The following PCIF1 variants were observed in gnomAD, a reference collection of about 807,000 sequenced individuals.
The protein encoded by PCIF1 is mRNA (2'-O-methyladenosine-N(6)-)-methyltransferase.
In PCIF1, 12 loss-of-function variants were observed where a neutral mutation model predicts 86.9. The observed-to-expected ratio is 0.14, with a 90% confidence interval of 0.09 to 0.22. The LOEUF (loss-of-function observed/expected upper bound fraction) is 0.22. Among genes scored for constraint, PCIF1 ranks in the 10% least tolerant of loss-of-function variants. PCIF1 has a pLI of 1.00. For synonymous variants in PCIF1, 397 were observed against 372.0 expected, an observed-to-expected ratio of 1.07 and a Z score of -0.77; for missense variants, 701 against 951.1, an observed-to-expected ratio of 0.74 and a Z score of 3.46.
chr20:45,935,951 C>T (rs891685518), intron 1 of PCIF1, among the ~76,000 whole-genome samples: 1 of 152,124 alleles, frequency 6.6e-6, no homozygotes, highest in Non-Finnish European at 1.5e-5. Flanking sequence ...GTTCATCTAC[C>T]CGGTGCATCA....
At chr20:45,938,559 T>C (rs1568790896) in intron 2 of PCIF1, among the ~76,000 whole-genome samples, 1 of 152,186 alleles carries the variant, frequency 6.6e-6, no homozygotes, top group South Asian at 2.1e-4. Context: ...GAGAGCTGAA[T>C]TGGACGCAGT....
Position 45,946,333 on chromosome 20 carries a change from G to C in PCIF1, c.1562G>C (p.Arg521Pro). The C allele has an allele frequency of 6.2e-7, 1 of 1,613,984 alleles. No individual in the cohort carries two copies. Among genetic ancestry groups the C allele is most frequent in the Non-Finnish European group, 8.5e-7 (1 of 1,180,032 alleles). The change falls in exon 14 of 17, where the codon CGC (arginine) becomes CCC (proline). Residue 521 changes from arginine (R) to proline (P), a missense_variant. Around this residue, in one of 7 missense-constraint regions of PCIF1, gnomAD observed 61 missense variants for 118.5 expected, o/e 0.51. Transcript: ENST00000372409. ...GCCTCACCCCTCAACTGCTACTTCCGCCAGTACTGTTCTGCCTTCCCCGAC... is the reference window on the plus strand; with the variant it reads ...GCCTCACCCCTCAACTGCTACTTCCCCCAGTACTGTTCTGCCTTCCCCGAC... ...CFASPLNCYFRQYCSAFPDTD... is the reference protein window; with the variant it reads ...CFASPLNCYFPQYCSAFPDTD...
At chr20:45,946,817 C>T (rs1317188162) in intron 14 of PCIF1, among the ~76,000 whole-genome samples, 1 of 152,218 alleles carries the variant, frequency 6.6e-6, no homozygotes, top group African/African-American at 2.4e-5. Context: ...GTAGCTTCTG[C>T]TGTGGTGGTG....
rs915393328 is a variant in PCIF1, at chr20:45,937,448, G to A, written c.-157G>A. 10 of 399,158 alleles carry A rather than the reference G, an allele frequency of 2.5e-5. No individual in the cohort carries two copies. Among genetic ancestry groups the A allele is most frequent in the African/African-American group, 1.6e-4 (8 of 48,610 alleles). The allele number at this position is 399,158 out of a possible 1,614,324, so 24.7% of individuals were successfully genotyped here. Reference sequence around the variant, plus strand: ...GATGCAAGGAATCCCCTGGGCTCCCGTCCACTCCACTGCTGACCAGCCCAT... The same window carrying A: ...GATGCAAGGAATCCCCTGGGCTCCCATCCACTCCACTGCTGACCAGCCCAT... On this transcript the variant is annotated 5_prime_UTR_variant, in exon 2 of 17. Transcript: ENST00000372409.
Position 45,943,927 on chromosome 20 carries a change from T to C in PCIF1, c.1005+162T>C, listed in dbSNP as rs1441789761. Among the ~76,000 whole-genome samples the C allele has an allele frequency of 6.6e-6, 1 of 152,194 alleles. No homozygotes were observed. The highest frequency in any genetic ancestry group is 2.4e-5 in the African/African-American group (1 of 41,444). On this transcript the variant is annotated intron_variant, in intron 10 of 16. Transcript: ENST00000372409. The surrounding 1 kb of genome is among the most constrained non-coding windows in gnomAD (Gnocchi z 5.5). ...ATTCGTCAGTCCCCAAACTCATGAC[T>C]GTGGAGATGTTTCTCTGGGCTCCTG... is the stretch of plus-strand genomic sequence containing the variant.
Position 45,947,339 on chromosome 20 carries a change from C to T in PCIF1, c.1784C>T (p.Ala595Val), listed in dbSNP as rs374415027. Residue 595 changes from alanine (A) to valine (V), a missense_variant, in exon 16 of 17, where the codon GCG becomes GTG. Coordinates refer to ENST00000372409, the MANE Select transcript of PCIF1 (RefSeq NM_022104.4). The surrounding 1 kb of genome is among the most constrained non-coding windows in gnomAD (Gnocchi z 5.4). ...IPEWREPPTP[A>V]LTRMEQSRFK... ...GAGTGGCGGGAACCCCCAACACCAG[C>T]GCTCACCCGCATGGAGCAGAGCCGC... is the stretch of plus-strand genomic sequence containing the variant. 2.5e-5 allele frequency: 40 copies of T among 1,613,826 alleles called. No homozygotes were observed. Among genetic ancestry groups the T allele is most frequent in the Non-Finnish European group, 3.1e-5 (36 of 1,180,026 alleles).
At chr20:45,944,105 G>A (rs927295653) in intron 10 of PCIF1, among the ~76,000 whole-genome samples, 1 of 152,004 alleles carries the variant, frequency 6.6e-6, no homozygotes, top group African/African-American at 2.4e-5. Context: ...TTTTGGGTGT[G>A]TGTGTTCATA....
In PCIF1 at chr20:45,946,278, C is replaced by T; in HGVS notation, c.1507C>T (p.Arg503Ter). The change falls in exon 14 of 17, where the codon CGA (arginine) becomes TGA (stop). Residue 503 changes from arginine (R) to a stop codon, truncating the protein, a stop_gained. Transcript: ENST00000372409. LOFTEE classifies it high-confidence loss of function. ...LPVHVFEALH[R>*]LFGVSFECFA... ...TGTGCATGTCTTTGAGGCCCTCCAC[C>T]GACTCTTTGGCGTCAGCTTCGAGTG... 6.2e-7 allele frequency: 1 copy of T among 1,614,154 alleles called. No homozygotes were observed. Among genetic ancestry groups the T allele is most frequent in the South Asian group, 1.1e-5 (1 of 91,088 alleles).
Position 45,945,894 on chromosome 20 carries a change from C to G in PCIF1, c.1341+11C>G. ...TACTTCAGCAAGCTGGTAAGAGCTG[C>G]GGGGAGGAAGGCCCTAGCTGATGGC... On this transcript the variant is annotated intron_variant, in intron 12 of 16. Transcript: ENST00000372409. 1 of 1,613,330 alleles carries G rather than the reference C, an allele frequency of 6.2e-7. No homozygotes were observed. Among genetic ancestry groups the G allele is most frequent in the Non-Finnish European group, 8.5e-7 (1 of 1,179,738 alleles).
intron 1 of PCIF1, among the ~76,000 whole-genome samples, chr20:45,935,046 C>T (rs932443541): frequency 2.6e-5 from 4 of 152,064 alleles, no homozygotes; most frequent in Non-Finnish European, 5.9e-5. Context: ...GCCGCCGCCA[C>T]CGCCTTTGTG....
In PCIF1 at chr20:45,947,961, G is replaced by C. The variant is rs112558420; in HGVS notation, c.*206G>C. The C allele has an allele frequency of 4.6e-6, 7 of 1,530,440 alleles. No individual in the cohort carries two copies. In the African/African-American group the frequency reaches 9.6e-5, roughly 21 times the overall value. 94.8% of individuals were successfully genotyped at this position (1,530,440 alleles called of 1,614,324 possible). On this transcript the variant is annotated 3_prime_UTR_variant, in exon 17 of 17. Transcript: ENST00000372409. This position sits in a 1 kb window ranked among gnomAD's most constrained non-coding sequence, Gnocchi z 5.4. ...TAGGTCCTGATGCCTTCCCAACCCC[G>C]CCCCTCACCCTGTTGCCACCTTGTT...
Position 45,940,887 on chromosome 20 carries a change from T to G in PCIF1, c.466T>G (p.Trp156Gly). Residue 156 changes from tryptophan (W) to glycine (G), a missense_variant, in exon 6 of 17, where the codon TGG becomes GGG. Physicochemically the swap from Trp to Gly is radical, Grantham distance 184. Transcript: ENST00000372409. ...SIPGTPTLKMWGTSPEDKQQA... is the reference protein window; with the variant it reads ...SIPGTPTLKMGGTSPEDKQQA... The stretch of plus-strand genomic sequence containing the variant: ...CCCAGGAACCCCAACGCTGAAGATG[T>G]GGGGTACGTCCCCTGAAGATAAACA... 6.2e-7 allele frequency: 1 copy of G among 1,614,180 alleles called. No individual in the cohort carries two copies. Among genetic ancestry groups the G allele is most frequent in the Non-Finnish European group, 8.5e-7 (1 of 1,180,008 alleles).
chr20:45,945,782 C>T lies in PCIF1; in HGVS notation c.1240C>T (p.Pro414Ser), dbSNP rs772109061. 14 of 1,613,922 alleles carry T rather than the reference C, an allele frequency of 8.7e-6. 1 individual carries two copies. In the Admixed American group the frequency reaches 2.0e-4, roughly 23 times the overall value. Residue 414 changes from proline (P) to serine (S), a missense_variant, in exon 12 of 17, where the codon CCG becomes TCG. Around this residue, in one of 7 missense-constraint regions of PCIF1, gnomAD observed 121 missense variants for 131.7 expected, o/e 0.92. Transcript: ENST00000372409. Reference sequence around the variant, plus strand: ...CCCAGTCCGGCTGGCTGTGTCTGCACCGCCCATGCCCAGCGTGGAGATGCA... The same window carrying T: ...CCCAGTCCGGCTGGCTGTGTCTGCATCGCCCATGCCCAGCGTGGAGATGCA... ...CYPVRLAVSA[P>S]PMPSVEMHME...
chr20:45,935,771 C>G (rs551689629), intron 1 of PCIF1, among the ~76,000 whole-genome samples: 32 of 152,112 alleles, frequency 2.1e-4, no homozygotes, highest in Non-Finnish European at 4.6e-4. Context: ...TGTGCCTCAC[C>G]TCCGTATTTA....
intron 6 of PCIF1, 23 bp downstream of exon 6, chr20:45,940,962 G>A (rs752805474): frequency 5.6e-6 from 9 of 1,613,832 alleles, no homozygotes; most frequent in Non-Finnish European, 7.6e-6. Context: ...TGATTGGCTT[G>A]GGGGCACCCA....
chr20:45,946,139 G>C (rs1451344094), intron 13 of PCIF1, 24 bp downstream of exon 13: 10 of 1,614,144 alleles, frequency 6.2e-6, no homozygotes, highest in African/African-American at 1.3e-5. Flanking sequence ...GCAGCAGGGA[G>C]GGCTCCCCAG....
intron 1 of PCIF1, among the ~76,000 whole-genome samples, chr20:45,935,193 TGCGCGC>T (rs57434270): frequency 1.4e-5 from 2 of 144,696 alleles, no homozygotes; most frequent in Admixed American, 6.9e-5. Flanking sequence ...GAGGGGAAGG[TGCGCGC>T]GCGCGCGCGC....
chr20:45,947,920 C>T lies in PCIF1; in HGVS notation c.*165C>T. 6.5e-7 allele frequency: 1 copy of T among 1,534,150 alleles called. No homozygotes were observed. The highest frequency in any genetic ancestry group is 8.7e-7 in the Non-Finnish European group (1 of 1,146,460). On this transcript the variant is annotated 3_prime_UTR_variant, in exon 17 of 17. Coordinates refer to ENST00000372409, the MANE Select transcript of PCIF1 (RefSeq NM_022104.4). This position sits in a 1 kb window ranked among gnomAD's most constrained non-coding sequence, Gnocchi z 5.4. ...CCCAAGTCCTCACCTCAAACTCCCT[C>T]CAAGTCCCATGTATATAGGTCCTGA...
rs1384810242 is a variant in PCIF1 at position 45,947,984 on chromosome 20, G to A, written c.*229G>A. The A allele has an allele frequency of 6.6e-7, 1 of 1,521,900 alleles. No homozygotes were observed. The highest frequency in any genetic ancestry group is 2.0e-5 in the Admixed American group (1 of 50,430). The allele number at this position is 1,521,900 out of a possible 1,614,324, so 94.3% of individuals were successfully genotyped here. A position where few individuals can be genotyped will look rare whatever the true frequency, so the allele number is the denominator to read the frequency against. On this transcript the variant is annotated 3_prime_UTR_variant, in exon 17 of 17. Coordinates refer to ENST00000372409, the MANE Select transcript of PCIF1 (RefSeq NM_022104.4). This position sits in a 1 kb window ranked among gnomAD's most constrained non-coding sequence, Gnocchi z 5.4. ...CCGCCCCTCACCCTGTTGCCACCTT[G>A]TTTCATTTGTAAAAGGAAATACAGA...
Sources: gnomAD v4.1 joint callset for allele counts (sites outside exome capture counted in the v4.1 genomes callset) on GRCh38, gnomAD v4.1.1 for gene constraint, gnomAD v4.1.1 regional missense constraint, Gnocchi (gnomAD v3.1) non-coding constraint, MANE v1.5 for transcripts, NCBI Gene and HGNC (gene_info 2026-07-23, HGNC 2026-07-21) for gene names.